Variants in MKLN1 observed in about 807,000 individuals in gnomAD.
MKLN1 encodes muskelin.
MKLN1 carries 18 observed loss-of-function variants against 99.0 expected under a neutral mutation model. The ratio of observed to expected loss-of-function variants is 0.18; its 90% confidence interval spans 0.13 to 0.27. The LOEUF (loss-of-function observed/expected upper bound fraction) is 0.27, where lower values mean the gene tolerates loss of function less well. MKLN1 is among the 10% of genes least tolerant of loss of function. The pLI, the probability that MKLN1 is intolerant of heterozygous loss-of-function variation, is 1.00. For synonymous variants in MKLN1, 288 were observed against 293.2 expected (o/e 0.98, Z 0.18); for missense variants, 621 against 875.9 (o/e 0.71, Z 3.67).
chr7:131,312,168 A>G (rs140245367), intron 3 of MKLN1, among the ~76,000 whole-genome samples: 9,496 of 151,962 alleles, frequency 0.062, 356 homozygotes, highest in East Asian at 0.18. Flanking sequence ...GATTACAGGC[A>G]CCTATCACCA....
chr7:131,243,232 A>C (rs1455097311), intron 3 of MKLN1, among the ~76,000 whole-genome samples: 1 of 152,170 alleles, frequency 6.6e-6, no homozygotes, highest in African/African-American at 2.4e-5. Context: ...CAGTTACTTG[A>C]AGAAAAATTG....
chr7:131,242,694 G>T lies in MKLN1; in HGVS notation c.-179+39720G>T, dbSNP rs572627754. 69 of 651,240 alleles carry T rather than the reference G, an allele frequency of 1.1e-4. No homozygotes were observed. The African/African-American group carries it at 1.2e-3, about 11-fold the overall frequency. 40.3% of individuals were successfully genotyped at this position (651,240 alleles called of 1,614,324 possible). On this transcript the variant is annotated intron_variant, in intron 3 of 7. Coordinates refer to the MKLN1 transcript ENST00000416992. ...GAAGAACATTGATGATGGTACCTTA[G>T]ATCGCCCCTACAGCCATGCTCTGGT... is the stretch of plus-strand genomic sequence containing the variant.
chr7:131,465,152 A>G (rs1402341446), intron 14 of MKLN1, among the ~76,000 whole-genome samples: 2 of 152,216 alleles, frequency 1.3e-5, no homozygotes, highest in Non-Finnish European at 2.9e-5. Context: ...AATAACTATT[A>G]TATAACACCA....
At chr7:131,422,478 C>T (rs1795235695) in intron 8 of MKLN1, among the ~76,000 whole-genome samples, 9 of 152,240 alleles carry the variant, frequency 5.9e-5, no homozygotes, top group Middle Eastern at 3.4e-3. Flanking sequence ...GGCTTGAGCC[C>T]AGAAGTTCGA....
At chr7:131,299,100 T>C (rs1798338067) in intron 3 of MKLN1, among the ~76,000 whole-genome samples, 1 of 152,180 alleles carries the variant, frequency 6.6e-6, no homozygotes, top group Non-Finnish European at 1.5e-5. Flanking sequence ...ATACTGAAGA[T>C]GCACACACAG....
At chr7:131,428,481 GT>G (rs1795424741) in intron 8 of MKLN1, among the ~76,000 whole-genome samples, 1 of 152,086 alleles carries the variant, frequency 6.6e-6, no homozygotes, top group Non-Finnish European at 1.5e-5. Context: ...TTTAACCATT[GT>G]TTTTGATATA....
chr7:131,188,941 CT>C (rs1486541880), intron 2 of MKLN1, among the ~76,000 whole-genome samples: 2 of 152,168 alleles, frequency 1.3e-5, no homozygotes, highest in Admixed American at 6.5e-5. Flanking sequence ...TATCTTCTAG[CT>C]AATGACAAAT....
At chr7:131,366,397 C>T (rs920922212) in intron 1 of MKLN1, among the ~76,000 whole-genome samples, 1 of 152,180 alleles carries the variant, frequency 6.6e-6, no homozygotes, top group African/African-American at 2.4e-5. Flanking sequence ...GTATCTAAAA[C>T]TTCCAATTTA....
chr7:131,344,896 G>C lies in MKLN1; in HGVS notation c.98+16899G>C, dbSNP rs918075947. On this transcript the variant is annotated intron_variant, in intron 1 of 17. Coordinates refer to ENST00000352689, the MANE Select transcript of MKLN1 (RefSeq NM_013255.5). ...GGCTCACTGCAGCCTCCACCTCCTGGGTTCAAGCGATTCTCCTGCCTCGGC... is the reference window on the plus strand; with the variant it reads ...GGCTCACTGCAGCCTCCACCTCCTGCGTTCAAGCGATTCTCCTGCCTCGGC... Among the ~76,000 whole-genome samples, 4 of 152,140 alleles carry C rather than the reference G, an allele frequency of 2.6e-5. No individual in the cohort carries two copies. The South Asian group carries it at 8.3e-4, about 32-fold the overall frequency.
Position 131,168,975 on chromosome 7 carries a change from C to G in MKLN1, c.-297+26034C>G, listed in dbSNP as rs934598451. Among the ~76,000 whole-genome samples the G allele has an allele frequency of 2.0e-5, 3 of 151,546 alleles. No homozygotes were observed. In the East Asian group the frequency reaches 5.9e-4, roughly 30 times the overall value. ...CTCCACCTCCTGGGTTCAAGCAATTCGTGTGCCTTAACCTCCCCAGTAGCT... is the reference window on the plus strand; with the variant it reads ...CTCCACCTCCTGGGTTCAAGCAATTGGTGTGCCTTAACCTCCCCAGTAGCT... On this transcript the variant is annotated intron_variant, in intron 2 of 7. Transcript: ENST00000416992.
intron 1 of MKLN1, among the ~76,000 whole-genome samples, chr7:131,132,850 T>C (rs1194264579): frequency 7.4e-6 from 1 of 134,680 alleles, no homozygotes; most frequent in Non-Finnish European, 1.5e-5. Context: ...CGCTTAAACC[T>C]GGGAGGCGGA....
intron 12 of MKLN1, among the ~76,000 whole-genome samples, chr7:131,451,855 AC>A (rs1796188489): frequency 6.6e-6 from 1 of 152,214 alleles, no homozygotes; most frequent in Admixed American, 6.5e-5. Flanking sequence ...ATGGTCTGTC[AC>A]ACCACCAGAG....
chr7:131,399,385 A>C lies in MKLN1; in HGVS notation c.655A>C (p.Lys219Gln), dbSNP rs1360123705. 1.5e-5 allele frequency: 24 copies of C among 1,614,064 alleles called. No individual in the cohort carries two copies. Among genetic ancestry groups the C allele is most frequent in the Non-Finnish European group, 1.9e-5 (23 of 1,179,938 alleles). Residue 219 changes from lysine (K) to glutamine (Q), a missense_variant, in exon 6 of 18, where the codon AAG becomes CAG. By Grantham distance (53) the Lys-to-Gln change is moderately conservative. Transcript: ENST00000352689. ...AGATATTCATGACAAGCTGGTGTTG[A>C]AGGGTGATTTTGATGCTTGCGAAGA... is the stretch of plus-strand genomic sequence containing the variant. ...LTDIHDKLVL[K>Q]GDFDACEELI...
intron 3 of MKLN1, chr7:131,310,060 T>A (rs1024024868): frequency 9.2e-5 from 14 of 152,300 alleles, no homozygotes; most frequent in African/African-American, 3.1e-4. Flanking sequence ...AAGAGGCAGT[T>A]CCTGAGTTAT....
At chr7:131,272,557 A>G (rs1797902129) in intron 3 of MKLN1, among the ~76,000 whole-genome samples, 1 of 152,000 alleles carries the variant, frequency 6.6e-6, no homozygotes, top group South Asian at 2.1e-4. Context: ...AAGAGGAGAG[A>G]GGCATGATCA....
At chr7:131,257,749 A>G (rs1797677418) in intron 3 of MKLN1, among the ~76,000 whole-genome samples, 1 of 152,104 alleles carries the variant, frequency 6.6e-6, no homozygotes, top group Non-Finnish European at 1.5e-5. Context: ...AGAGAAGGGA[A>G]AGGAAGGGGA....
At chr7:131,443,046 A>T (rs1272536680) in intron 10 of MKLN1, among the ~76,000 whole-genome samples, 1 of 152,188 alleles carries the variant, frequency 6.6e-6, no homozygotes, top group African/African-American at 2.4e-5. Flanking sequence ...AGAGAGGTGA[A>T]TTTAGCTTCA....
upstream of MKLN1, chr7:131,327,687 C>T: frequency 1.2e-6 from 1 of 801,102 alleles, no homozygotes; most frequent in Non-Finnish European, 1.9e-6. Flanking sequence ...AGCGCTTACA[C>T]CTCAGACCCA....
At chr7:131,142,928 G>C (rs1330579657) in exon 2 of MKLN1, 1 of 1,305,126 alleles carries the variant, frequency 7.7e-7, no homozygotes, top group Middle Eastern at 2.1e-4. Flanking sequence ...TGAAAACATG[G>C]GGATTGGAAT....
Sources: gnomAD v4.1 joint callset for allele counts (sites outside exome capture counted in the v4.1 genomes callset) on GRCh38, gnomAD v4.1.1 for gene constraint, MANE v1.5 for transcripts, NCBI Gene and HGNC (gene_info 2026-07-23, HGNC 2026-07-21) for gene names.